IPO11: variants seen among roughly 807,000 people sequenced by gnomAD.
IPO11 encodes importin 11.
Under a neutral mutation model 143.2 loss-of-function variants are expected in IPO11, and 66 were observed. That is an observed-to-expected ratio of 0.46 (90% confidence interval 0.38 to 0.57). The LOEUF is 0.57. Ranked by LOEUF, IPO11 falls within the 20% of genes least tolerant of loss-of-function variation. The pLI, the probability that IPO11 is intolerant of heterozygous loss-of-function variation, is 0.00. For synonymous variants in IPO11, 385 were observed against 377.8 expected, an observed-to-expected ratio of 1.02 and a Z score of -0.22; for missense variants, 1,026 against 1,141.0, an observed-to-expected ratio of 0.90 and a Z score of 1.45.
intron 13 of IPO11, 100 bp downstream of exon 13, chr5:62,487,961 C>A: frequency 2.1e-6 from 2 of 956,306 alleles, no homozygotes; most frequent in South Asian, 2.0e-5. Context: ...TTTCCTGGGT[C>A]ATATAATAAA....
intron 29 of IPO11, among the ~76,000 whole-genome samples, chr5:62,624,157 C>G (rs548573937): frequency 6.6e-6 from 1 of 152,232 alleles, no homozygotes; most frequent in African/African-American, 2.4e-5. Flanking sequence ...GCCTCAGTCT[C>G]CCAAGTAGCT....
intron 15 of IPO11, among the ~76,000 whole-genome samples, chr5:62,491,539 C>T (rs1746607418): frequency 1.3e-5 from 2 of 151,832 alleles, no homozygotes; most frequent in African/African-American, 4.8e-5. Context: ...GTGCTTAGTG[C>T]AACTGAGGCA....
intron 7 of IPO11, among the ~76,000 whole-genome samples, chr5:62,471,359 G>T (rs1165973787): frequency 6.6e-6 from 1 of 151,728 alleles, no homozygotes. Flanking sequence ...ATTGAGGTTT[G>T]ATTGAAGTAA....
At chr5:62,573,840 T>C (rs993003128) in intron 27 of IPO11, among the ~76,000 whole-genome samples, 15 of 152,212 alleles carry the variant, frequency 9.9e-5, no homozygotes, top group Admixed American at 8.5e-4. Flanking sequence ...ATTGTACATA[T>C]ACCTCTCAGC....
chr5:62,531,172 G>A (rs1210204072), intron 22 of IPO11, among the ~76,000 whole-genome samples: 1 of 151,996 alleles, frequency 6.6e-6, no homozygotes, highest in African/African-American at 2.4e-5. Flanking sequence ...AAGTCTGTTG[G>A]TGTTGTTTGT....
Position 62,579,623 on chromosome 5 carries a change from C to T in IPO11, c.2583-11954C>T. On this transcript the variant is annotated intron_variant, in intron 27 of 29. Transcript: ENST00000325324. ...ATTCCTAAGAATTTTCCTGAAAGTA[C>T]AGTTTTTCTGTATCTGACTGGGAAT... 4 of 1,550,548 alleles carry T rather than the reference C, an allele frequency of 2.6e-6. No individual in the cohort carries two copies. The highest frequency in any genetic ancestry group is 1.2e-5 in the South Asian group (1 of 83,912).
intron 19 of IPO11, among the ~76,000 whole-genome samples, chr5:62,514,474 C>T (rs6868330): frequency 0.017 from 2,640 of 151,794 alleles, 130 homozygotes; most frequent in African/African-American, 0.062. Flanking sequence ...CGCCTGCAAT[C>T]GCAGGCACTT....
chr5:62,441,996 C>T lies in IPO11; in HGVS notation c.139-987C>T, dbSNP rs141870802. 7.2e-3 allele frequency among the ~76,000 whole-genome samples: 1,095 copies of T among 151,878 alleles called. 13 individuals carry two copies. The highest frequency in any genetic ancestry group is 0.025 in the African/African-American group (1,031 of 41,392). ...GAGTAGCTGGTATTACAGGCATGCG[C>T]CACCATGCCCAGCTAATTTTTGTAT... On this transcript the variant is annotated intron_variant, in intron 2 of 29. Coordinates refer to ENST00000325324, the MANE Select transcript of IPO11 (RefSeq NM_016338.5).
chr5:62,519,194 CAT>C (rs1289403899), intron 20 of IPO11, among the ~76,000 whole-genome samples: 18 of 152,204 alleles, frequency 1.2e-4, no homozygotes, highest in Admixed American at 3.9e-4. Context: ...TATGAACTGA[CAT>C]GTGTAAAACT....
intron 27 of IPO11, among the ~76,000 whole-genome samples, chr5:62,586,768 A>AAAAATATATATATATATATATATAT (rs1554057003): frequency 3.5e-5 from 1 of 28,918 alleles, no homozygotes; most frequent in African/African-American, 1.3e-4. Flanking sequence ...AAAAAAAAAA[A>AAAAATATATATATATATATATATAT]ATATATATAT....
intron 13 of IPO11, among the ~76,000 whole-genome samples, chr5:62,488,871 T>TCCCACC (rs1326336783): frequency 1.0e-3 from 156 of 152,258 alleles, no homozygotes; most frequent in African/African-American, 3.6e-3. Context: ...GGCCTGGTGG[T>TCCCACC]TAGTACCTGT....
At chr5:62,596,669 T>C (rs1745234002) in intron 28 of IPO11, among the ~76,000 whole-genome samples, 1 of 152,144 alleles carries the variant, frequency 6.6e-6, no homozygotes, top group Non-Finnish European at 1.5e-5. Flanking sequence ...CTAGAAGAAA[T>C]GTTGGTTCCT....
At chr5:62,545,614 T>C (rs1743141799) in intron 24 of IPO11, among the ~76,000 whole-genome samples, 1 of 152,138 alleles carries the variant, frequency 6.6e-6, no homozygotes, top group Non-Finnish European at 1.5e-5. Flanking sequence ...CTAATTAAAC[T>C]AAAGAGCGCT....
chr5:62,567,651 C>T (rs28897453), intron 27 of IPO11, among the ~76,000 whole-genome samples: 1,946 of 150,166 alleles, frequency 0.013, 36 homozygotes, highest in African/African-American at 0.044. Flanking sequence ...CAACCTCCGC[C>T]GCCTGGGTTC....
intron 29 of IPO11, among the ~76,000 whole-genome samples, chr5:62,612,142 C>T (rs115932110): frequency 0.029 from 4,337 of 152,040 alleles, 79 homozygotes; most frequent in Non-Finnish European, 0.042. Flanking sequence ...GTTAAAATTA[C>T]GTTACATTCT....
At chr5:62,521,635 TC>T (rs1742204636) in intron 20 of IPO11, among the ~76,000 whole-genome samples, 1 of 152,164 alleles carries the variant, frequency 6.6e-6, no homozygotes, top group Admixed American at 6.5e-5. Flanking sequence ...TTTTATTTCT[TC>T]CTCTTCGTAT....
intron 25 of IPO11, among the ~76,000 whole-genome samples, chr5:62,550,982 A>G (rs1257529924): frequency 6.7e-6 from 1 of 149,484 alleles, no homozygotes; most frequent in Non-Finnish European, 1.5e-5. Context: ...TAATAAAGTA[A>G]TATATGAAAT....
intron 23 of IPO11, 151 bp downstream of exon 23, chr5:62,536,932 C>G: frequency 2.0e-6 from 2 of 981,016 alleles, no homozygotes; most frequent in Non-Finnish European, 2.8e-6. Context: ...CATTGCAGGG[C>G]AGATGTGCTG....
At chr5:62,440,583 C>T (rs533133172) in intron 2 of IPO11, among the ~76,000 whole-genome samples, 4 of 152,098 alleles carry the variant, frequency 2.6e-5, no homozygotes, top group South Asian at 4.1e-4. Flanking sequence ...TCTCTAACTC[C>T]TGACCTCAAA....
Sources: allele counts gnomAD v4.1 joint callset (sites outside exome capture counted in the v4.1 genomes callset), GRCh38; gene constraint gnomAD v4.1.1; transcripts MANE v1.5; gene names NCBI Gene and HGNC (gene_info 2026-07-23, HGNC 2026-07-21).